SLC49A4: variants seen among roughly 807,000 people sequenced by gnomAD.
The protein encoded by SLC49A4 is solute carrier family 49 member 4.
SLC49A4 carries 36 observed loss-of-function variants against 50.6 expected under a neutral mutation model. The observed-to-expected ratio is 0.71, with a 90% CI of 0.55 to 0.94. The LOEUF is 0.94. Ranked by LOEUF, SLC49A4 falls within the 40% of genes least tolerant of loss-of-function variation. The pLI, the probability that SLC49A4 is intolerant of heterozygous loss-of-function variation, is 0.00. For missense variants in SLC49A4, 503 were observed against 605.7 expected, an observed-to-expected ratio of 0.83 and a Z score of 1.78; for synonymous variants, 248 against 241.2, an observed-to-expected ratio of 1.03 and a Z score of -0.26.
intron 5 of SLC49A4, among the ~76,000 whole-genome samples, chr3:122,847,350 A>ATT (rs56148238): frequency 0.44 from 61,443 of 139,278 alleles, 14,564 homozygotes; most frequent in South Asian, 0.54. Flanking sequence ...ACAGTGTACA[A>ATT]TTTTTTTTTT....
intron 1 of SLC49A4, 49 bp downstream of exon 1, chr3:122,795,584 G>C (rs1416617214): frequency 1.3e-6 from 2 of 1,545,522 alleles, no homozygotes; most frequent in Non-Finnish European, 1.7e-6. Flanking sequence ...TCCGGGAGCA[G>C]GCGCCTGCCC....
chr3:122,849,053 C>T (rs562739246), intron 5 of SLC49A4, among the ~76,000 whole-genome samples: 8 of 152,154 alleles, frequency 5.3e-5, no homozygotes, highest in Non-Finnish European at 8.8e-5. Flanking sequence ...TGAATGAGAA[C>T]GTGCAATGTT....
intron 7 of SLC49A4, among the ~76,000 whole-genome samples, chr3:122,865,181 T>C (rs955109769): frequency 2.6e-5 from 4 of 152,190 alleles, no homozygotes; most frequent in African/African-American, 9.7e-5. Flanking sequence ...AAGTAGAATA[T>C]GGATTAAAAG....
At chr3:122,870,002 G>GTAT (rs1236161637) in intron 7 of SLC49A4, among the ~76,000 whole-genome samples, 2 of 17,604 alleles carry the variant, frequency 1.1e-4, no homozygotes, top group African/African-American at 1.3e-4. Flanking sequence ...CCCTTTCAGT[G>GTAT]TGTTATTATA....
chr3:122,836,389 C>CG lies in SLC49A4; in HGVS notation c.833+2945dup, dbSNP rs565887431. ...AAGCTTTTTGATGTGCTGCTGGATT[C>CG]GGTTTGCCAGTATTTTATTGAGGAT... On this transcript the variant is annotated intron_variant, in intron 4 of 8. Coordinates refer to ENST00000261038, the MANE Select transcript of SLC49A4 (RefSeq NM_032839.3). Among the ~76,000 whole-genome samples, 1,225 of 151,674 alleles carry CG rather than the reference C, an allele frequency of 8.1e-3. 9 individuals are homozygous for CG. Among genetic ancestry groups the CG allele is most frequent in the African/African-American group, 0.026 (1,075 of 41,278 alleles).
intron 2 of SLC49A4, among the ~76,000 whole-genome samples, chr3:122,807,459 G>A (rs2107557340): frequency 6.6e-6 from 1 of 152,138 alleles, no homozygotes; most frequent in South Asian, 2.1e-4. Context: ...CCTTTTCTGG[G>A]GTGGATAGGT....
Position 122,826,992 on chromosome 3 carries a change from G to C in SLC49A4, c.630G>C (p.Gly210=), listed in dbSNP as rs1936539491. Residue 210 remains glycine, a synonymous_variant, in exon 3 of 9, where the codon GGG becomes GGC. Transcript: ENST00000261038. ...VGPLVVPAPN[G]TSPLLAAESS... ...CACTTGTTGTTCCAGCTCCCAATGG[G>C]ACATCACCTCTTCTTGCTGCAGAGA... 6.2e-7 allele frequency: 1 copy of C among 1,614,082 alleles called. No homozygotes were observed. Among genetic ancestry groups the C allele is most frequent in the Non-Finnish European group, 8.5e-7 (1 of 1,180,030 alleles).
At chr3:122,796,984 G>T (rs559515035) in intron 1 of SLC49A4, among the ~76,000 whole-genome samples, 1 of 152,318 alleles carries the variant, frequency 6.6e-6, no homozygotes, top group East Asian at 1.9e-4. Context: ...TGTCTGGCAT[G>T]TAGTTAGCAC....
At chr3:122,814,973 G>C (rs1427969434) in intron 2 of SLC49A4, among the ~76,000 whole-genome samples, 4 of 152,120 alleles carry the variant, frequency 2.6e-5, no homozygotes, top group Non-Finnish European at 5.9e-5. Context: ...GGTCCTCCAG[G>C]ACCTAGGCCC....
chr3:122,796,390 T>C (rs1028403960), intron 1 of SLC49A4, among the ~76,000 whole-genome samples: 5 of 152,248 alleles, frequency 3.3e-5, no homozygotes, highest in Admixed American at 6.5e-5. Context: ...ATGAGTTCTT[T>C]AGTCAGATTT....
At chr3:122,845,733 A>G (rs1343073443) in intron 4 of SLC49A4, 30 bp from the exon 5 acceptor site, 1 of 1,323,260 alleles carries the variant, frequency 7.6e-7, no homozygotes, top group East Asian at 2.6e-5. Context: ...TTAATTTGTT[A>G]CAATGTTTCC....
At chr3:122,828,690 G>T (rs1392999396) in intron 3 of SLC49A4, among the ~76,000 whole-genome samples, 3 of 152,110 alleles carry the variant, frequency 2.0e-5, no homozygotes, top group Non-Finnish European at 4.4e-5. Flanking sequence ...GGTTTAGAAG[G>T]ATTAAAACTG....
At chr3:122,825,927 G>A (rs538049170) in intron 2 of SLC49A4, among the ~76,000 whole-genome samples, 23 of 152,160 alleles carry the variant, frequency 1.5e-4, no homozygotes, top group Admixed American at 3.9e-4. Context: ...GAGAATATTG[G>A]GAAAAGGTCA....
intron 7 of SLC49A4, among the ~76,000 whole-genome samples, chr3:122,869,889 C>T (rs929161819): frequency 6.6e-6 from 1 of 152,172 alleles, no homozygotes; most frequent in African/African-American, 2.4e-5. Flanking sequence ...TCAGAAGAGA[C>T]TGGACTCTTC....
At chr3:122,872,896 T>A (rs898262525) in intron 8 of SLC49A4, among the ~76,000 whole-genome samples, 10 of 130,608 alleles carry the variant, frequency 7.7e-5, no homozygotes, top group Admixed American at 3.6e-4. Flanking sequence ...CCCCCACGCC[T>A]TACCCTACCA....
chr3:122,799,513 G>T (rs566322995), intron 1 of SLC49A4, among the ~76,000 whole-genome samples: 6 of 152,294 alleles, frequency 3.9e-5, no homozygotes, highest in African/African-American at 1.4e-4. Context: ...AGGAAATGAG[G>T]TCAGAGAGGT....
intron 5 of SLC49A4, among the ~76,000 whole-genome samples, chr3:122,846,384 A>C (rs1936850180): frequency 6.6e-6 from 1 of 152,030 alleles, no homozygotes; most frequent in Non-Finnish European, 1.5e-5. Flanking sequence ...AAGAGAACAC[A>C]CTGCTGTGAT....
intron 8 of SLC49A4, among the ~76,000 whole-genome samples, chr3:122,876,838 C>T (rs1005248998): frequency 2.0e-5 from 3 of 152,158 alleles, no homozygotes; most frequent in African/African-American, 7.2e-5. Flanking sequence ...GTGCAGAGCC[C>T]ACTTCACTGA....
chr3:122,870,570 G>A (rs1423237403), intron 7 of SLC49A4, among the ~76,000 whole-genome samples: 2 of 150,864 alleles, frequency 1.3e-5, no homozygotes, highest in African/African-American at 4.8e-5. Context: ...GCACTTTGGG[G>A]GGCTGAGGCA....
Sources: allele counts gnomAD v4.1 joint callset (sites outside exome capture counted in the v4.1 genomes callset), GRCh38; gene constraint gnomAD v4.1.1; transcripts MANE v1.5; gene names NCBI Gene and HGNC (gene_info 2026-07-23, HGNC 2026-07-21).